PCYT1A: variants seen among roughly 807,000 people sequenced by gnomAD.
PCYT1A encodes choline-phosphate cytidylyltransferase A.
Under a neutral mutation model 43.7 loss-of-function variants are expected in PCYT1A, and 25 were observed. The observed-to-expected ratio is 0.57, with a 90% confidence interval of 0.42 to 0.80. The LOEUF is 0.80. Among genes scored for constraint, PCYT1A ranks in the 30% least tolerant of loss-of-function variants. The pLI is 0.00. For missense variants in PCYT1A, 421 were observed against 474.2 expected, an observed-to-expected ratio of 0.89 and a Z score of 1.04; for synonymous variants, 172 against 170.7, an observed-to-expected ratio of 1.01 and a Z score of -0.06.
intron 2 of PCYT1A, among the ~76,000 whole-genome samples, chr3:196,266,868 C>T (rs1725288059): frequency 6.6e-6 from 1 of 151,618 alleles, no homozygotes; most frequent in South Asian, 2.1e-4. Flanking sequence ...CAGAGTGAGA[C>T]TCTGTCTCAA....
intron 3 of PCYT1A, among the ~76,000 whole-genome samples, chr3:196,249,973 C>T (rs985674796): frequency 6.9e-6 from 1 of 145,124 alleles, no homozygotes; most frequent in African/African-American, 2.6e-5. Flanking sequence ...AGGTTGAGTA[C>T]CACATACACT....
Position 196,238,631 on chromosome 3 carries a change from G to C in PCYT1A, c.*57C>G. 8.4e-7 allele frequency: 1 copy of C among 1,185,172 alleles called. No individual in the cohort carries two copies. The allele number at this position is 1,185,172 out of a possible 1,614,324, so 73.4% of individuals were successfully genotyped here. A position where few individuals can be genotyped will look rare whatever the true frequency, so the allele number is the denominator to read the frequency against. On this transcript the variant is annotated 3_prime_UTR_variant, in exon 9 of 9. Coordinates refer to ENST00000431016, the MANE Select transcript of PCYT1A (RefSeq NM_001312673.2). ...TGGGGTCACAATTTGGAATTCAACA[G>C]AGAGCTTCTGAAGGTAATGGGACAG...
At chr3:196,285,592 A>G (rs948501889) in intron 1 of PCYT1A, among the ~76,000 whole-genome samples, 1 of 152,224 alleles carries the variant, frequency 6.6e-6, no homozygotes, top group Non-Finnish European at 1.5e-5. Context: ...GTCAGCAGCT[A>G]AAGCTTCATT....
At chr3:196,283,041 C>G (rs375743298) in intron 1 of PCYT1A, among the ~76,000 whole-genome samples, 9 of 152,080 alleles carry the variant, frequency 5.9e-5, no homozygotes, top group African/African-American at 2.2e-4. Context: ...AGAGAATTCC[C>G]AAAAGAAAGC....
chr3:196,265,264 C>T (rs1180998288), intron 2 of PCYT1A, among the ~76,000 whole-genome samples: 3 of 151,798 alleles, frequency 2.0e-5, no homozygotes, highest in Non-Finnish European at 4.4e-5. Context: ...AACGGGGTTT[C>T]GCCATGTTGG....
chr3:196,278,040 G>A (rs1253672119), intron 1 of PCYT1A, among the ~76,000 whole-genome samples: 1 of 152,096 alleles, frequency 6.6e-6, no homozygotes, highest in South Asian at 2.1e-4. Flanking sequence ...ATGGAAAAAG[G>A]TACCCCCAGT....
At chr3:196,271,502 C>T (rs1725430521) in intron 1 of PCYT1A, among the ~76,000 whole-genome samples, 1 of 152,204 alleles carries the variant, frequency 6.6e-6, no homozygotes, top group Non-Finnish European at 1.5e-5. Context: ...TCATAGCACA[C>T]TGTAGCCTCA....
rs1455910497 is a variant in PCYT1A at position 196,268,229 on chromosome 3, A to G, written c.117+2186T>C. On this transcript the variant is annotated intron_variant, in intron 2 of 8. Transcript: ENST00000431016. The surrounding 1 kb of genome is among the most constrained non-coding windows in gnomAD (Gnocchi z 4.4). The stretch of plus-strand genomic sequence containing the variant: ...CTTCCTTTGCTTTATTCCTAGCTAC[A>G]GTGATTGGCTGATTAGCTGACAGTA... 2.0e-5 allele frequency among the ~76,000 whole-genome samples: 3 copies of G among 152,168 alleles called. No homozygotes were observed. The highest frequency in any genetic ancestry group is 6.6e-5 in the Admixed American group (1 of 15,264).
intron 3 of PCYT1A, among the ~76,000 whole-genome samples, chr3:196,251,031 C>T (rs1195363461): frequency 1.5e-5 from 2 of 133,190 alleles, no homozygotes; most frequent in African/African-American, 2.9e-5. Flanking sequence ...AGGCTGAGGA[C>T]CAGATACACC....
At chr3:196,267,288 G>T (rs534628483) in intron 2 of PCYT1A, 2 of 456,324 alleles carry the variant, frequency 4.4e-6, no homozygotes, top group African/African-American at 2.0e-5. Flanking sequence ...ACCGTATGAT[G>T]TCATTTGTAT....
chr3:196,253,743 A>G (rs1577362151), intron 3 of PCYT1A, among the ~76,000 whole-genome samples: 1 of 152,230 alleles, frequency 6.6e-6, no homozygotes, highest in East Asian at 1.9e-4. Flanking sequence ...TCTTTGGCAA[A>G]CCCAGGCTGA....
intron 2 of PCYT1A, among the ~76,000 whole-genome samples, chr3:196,262,230 A>T (rs1017488902): frequency 1.3e-5 from 2 of 152,202 alleles, no homozygotes; most frequent in East Asian, 3.8e-4. Context: ...GACTTGGAAA[A>T]TTTAGATCTA....
At chr3:196,276,279 CATAAAT>C (rs1725589573) in intron 1 of PCYT1A, among the ~76,000 whole-genome samples, 2 of 151,862 alleles carry the variant, frequency 1.3e-5, no homozygotes, top group Non-Finnish European at 2.9e-5. Context: ...CATTGTATCC[CATAAAT>C]ATAAACAACT....
chr3:196,280,453 A>C (rs1416459486), intron 1 of PCYT1A, among the ~76,000 whole-genome samples: 1 of 152,022 alleles, frequency 6.6e-6, no homozygotes, highest in Non-Finnish European at 1.5e-5. Flanking sequence ...ATATACTTTC[A>C]ATCTTCTCTA....
At chr3:196,238,940 C>A (rs756868624) in intron 8 of PCYT1A, 46 bp from the exon 9 acceptor site, 29 of 1,202,070 alleles carry the variant, frequency 2.4e-5, no homozygotes, top group Non-Finnish European at 3.1e-5. Flanking sequence ...GTGGATCCTA[C>A]TTAATCATCA....
chr3:196,238,186 A>AT lies in PCYT1A; in HGVS notation c.*501dup, dbSNP rs1724225379. ...TCCTTAAGGAAATCAAAATTAAGAT[A>AT]TTTCTCCACAAATTACCCATCAGCG... On this transcript the variant is annotated 3_prime_UTR_variant, in exon 9 of 9. Transcript: ENST00000431016. 6.5e-6 allele frequency: 1 copy of AT among 152,708 alleles called. No homozygotes were observed. The highest frequency in any genetic ancestry group is 6.5e-5 in the Admixed American group (1 of 15,270). 9.5% of individuals were successfully genotyped at this position (152,708 alleles called of 1,614,324 possible). A position where few individuals can be genotyped will look rare whatever the true frequency, so the allele number is the denominator to read the frequency against.
At chr3:196,243,997 C>A (rs1398844189) in intron 5 of PCYT1A, among the ~76,000 whole-genome samples, 1 of 151,934 alleles carries the variant, frequency 6.6e-6, no homozygotes. Flanking sequence ...GGCCGCCCAT[C>A]GTCTGGGATG....
intron 7 of PCYT1A, chr3:196,240,988 T>A (rs1195596329): frequency 3.3e-5 from 5 of 151,976 alleles, no homozygotes; most frequent in African/African-American, 1.2e-4. Context: ...TGAGGTCTAA[T>A]TTACATACAA....
At chr3:196,281,684 G>A (rs1434215747) in intron 1 of PCYT1A, among the ~76,000 whole-genome samples, 1 of 151,988 alleles carries the variant, frequency 6.6e-6, no homozygotes, top group Non-Finnish European at 1.5e-5. Flanking sequence ...TAATTTGGTG[G>A]CAAATTCTAC....
Sources: allele counts gnomAD v4.1 joint callset (sites outside exome capture counted in the v4.1 genomes callset), GRCh38; gene constraint gnomAD v4.1.1; non-coding constraint Gnocchi (gnomAD v3.1); transcripts MANE v1.5; gene names NCBI Gene and HGNC (gene_info 2026-07-23, HGNC 2026-07-21).